OSMR: variants seen among roughly 807,000 people sequenced by gnomAD.
OSMR encodes the protein oncostatin M receptor.
In OSMR, 81 loss-of-function variants were observed where a neutral mutation model predicts 99.9. The observed-to-expected ratio is 0.81, with a 90% CI of 0.68 to 0.97. The LOEUF (loss-of-function observed/expected upper bound fraction) is 0.97, where lower values mean the gene tolerates loss of function less well. OSMR is among the 50% of genes least tolerant of loss of function. The pLI, the probability that OSMR is intolerant of heterozygous loss-of-function variation, is 0.00. For missense variants in OSMR, 1,099 were observed against 1,153.4 expected (o/e 0.95, Z 0.68); for synonymous variants, 406 against 410.4 (o/e 0.99, Z 0.13).
At chr5:38,906,992 T>A (rs1302974592) in intron 9 of OSMR, among the ~76,000 whole-genome samples, 5 of 152,354 alleles carry the variant, frequency 3.3e-5, no homozygotes, top group East Asian at 1.9e-4. Context: ...AAAATTTTTT[T>A]AAACCATTTT....
At chr5:38,854,359 T>C in intron 1 of OSMR, among the ~76,000 whole-genome samples, 1 of 152,128 alleles carries the variant, frequency 6.6e-6, no homozygotes, top group East Asian at 1.9e-4. Context: ...AGAAGTGTGG[T>C]GAGGAAGGGC....
chr5:38,878,053 A>G (rs1742980743), intron 3 of OSMR, among the ~76,000 whole-genome samples: 1 of 152,106 alleles, frequency 6.6e-6, no homozygotes, highest in East Asian at 1.9e-4. Flanking sequence ...ACCACAGCAC[A>G]GAGAGGTTTG....
At chr5:38,877,814 ATAT>A (rs1742956542) in intron 3 of OSMR, among the ~76,000 whole-genome samples, 2 of 152,214 alleles carry the variant, frequency 1.3e-5, no homozygotes, top group African/African-American at 4.8e-5. Flanking sequence ...ACAAAAAATA[ATAT>A]TAGCCATACA....
intron 1 of OSMR, among the ~76,000 whole-genome samples, chr5:38,862,765 G>C (rs566845648): frequency 2.6e-5 from 4 of 151,776 alleles, no homozygotes; most frequent in African/African-American, 9.7e-5. Context: ...ACGGGGTGGC[G>C]GCCGGGCAGA....
intron 5 of OSMR, chr5:38,885,086 C>A: frequency 1.7e-6 from 1 of 585,644 alleles, no homozygotes; most frequent in Non-Finnish European, 2.2e-6. Flanking sequence ...GTCAAATGGA[C>A]ATAGCATCAG....
rs572806575 is a variant in OSMR at position 38,942,633 on chromosome 5, A to C, written c.75-1568A>C. 5.1e-4 allele frequency among the ~76,000 whole-genome samples: 77 copies of C among 151,416 alleles called. 1 individual carries two copies. Among genetic ancestry groups the C allele is most frequent in the Non-Finnish European group, 1.5e-5 (1 of 67,772 alleles). ...CCTCGGCTAATTAAAAAAAAAAAAA[A>C]ACTGTGTTGACACGGTCTCACTATG... On this transcript the variant is annotated intron_variant and NMD_transcript_variant, in intron 1 of 2. Transcript: ENST00000508882.
intron 1 of OSMR, among the ~76,000 whole-genome samples, chr5:38,861,448 C>G (rs139176105): frequency 6.6e-6 from 1 of 152,086 alleles, no homozygotes; most frequent in African/African-American, 2.4e-5. Context: ...GTAAGGTCAC[C>G]GATCAACAGG....
exon 2 of OSMR, chr5:38,944,296 T>G: frequency 2.6e-6 from 2 of 775,870 alleles, no homozygotes; most frequent in South Asian, 2.9e-5. Context: ...GCTGAAGTAT[T>G]AAAGAAAATC....
chr5:38,882,259 A>C (rs1743348040), intron 4 of OSMR, among the ~76,000 whole-genome samples: 1 of 152,174 alleles, frequency 6.6e-6, no homozygotes. Flanking sequence ...CCAATGAGAC[A>C]GCTTTGTTGA....
chr5:38,885,467 C>T lies in OSMR; in HGVS notation c.822C>T (p.Ser274=). The change falls in exon 6 of 18, where the codon AGC becomes AGT. Residue 274 remains serine (S), a synonymous_variant. Transcript: ENST00000274276. ...GGTGGTCTAAACAACCTTCCCAAAGCTACACTTTATTTGAATCGTAAGTTG... is the reference window on the plus strand; with the variant it reads ...GGTGGTCTAAACAACCTTCCCAAAGTTACACTTTATTTGAATCGTAAGTTG... ...ALGWSKQPSQ[S]YTLFESFSGE... 2.5e-6 allele frequency: 4 copies of T among 1,614,074 alleles called. No individual in the cohort carries two copies. Among genetic ancestry groups the T allele is most frequent in the Non-Finnish European group, 3.4e-6 (4 of 1,179,938 alleles).
At chr5:38,910,190 T>G (rs968645861) in intron 9 of OSMR, among the ~76,000 whole-genome samples, 1 of 152,210 alleles carries the variant, frequency 6.6e-6, no homozygotes, top group Admixed American at 6.5e-5. Flanking sequence ...CCTAAATATA[T>G]ATGCACCTAA....
chr5:38,913,740 T>G (rs556328023), intron 9 of OSMR, among the ~76,000 whole-genome samples: 1 of 152,290 alleles, frequency 6.6e-6, no homozygotes, highest in South Asian at 2.1e-4. Context: ...GTTACTGTTT[T>G]TATTCTTTAG....
chr5:38,925,228 A>G lies in OSMR; in HGVS notation c.2069A>G (p.Lys690Arg). 3 of 1,614,164 alleles carry G rather than the reference A, an allele frequency of 1.9e-6. No individual in the cohort carries two copies. The highest frequency in any genetic ancestry group is 2.5e-6 in the Non-Finnish European group (3 of 1,179,998). ...LSDGSECCKY[K>R]IDNPEEKALI... ...GATGGTTCAGAATGTTGCAAATACA[A>G]AATTGACAACCCGGAAGAAAAGGCA... The change falls in exon 15 of 18, where the codon AAA becomes AGA. Residue 690 changes from lysine (K) to arginine (R), a missense_variant. Physicochemically the swap from Lys to Arg is conservative, Grantham distance 26 (BLOSUM62 2). Transcript: ENST00000274276.
intron 2 of OSMR, among the ~76,000 whole-genome samples, chr5:38,875,029 T>G (rs772144331): frequency 1.3e-5 from 2 of 152,206 alleles, no homozygotes; most frequent in Non-Finnish European, 2.9e-5. Context: ...TTGTTTATTA[T>G]CAAAATGAGA....
rs970232006 is a variant in OSMR at position 38,934,598 on chromosome 5, TCAAA to T, written c.*1161_*1164del. On this transcript the variant is annotated 3_prime_UTR_variant, in exon 18 of 18. Coordinates refer to ENST00000274276, the MANE Select transcript of OSMR (RefSeq NM_003999.3). ...TCACTGCAGCTTCCGCCTCCTAGATTCAAACAAACAGTTCTCCTGCCCCAGCCTC... is the reference window on the plus strand; with the variant it reads ...TCACTGCAGCTTCCGCCTCCTAGATTCAAACAGTTCTCCTGCCCCAGCCTC... 4 of 152,016 alleles carry T rather than the reference TCAAA, an allele frequency of 2.6e-5. No homozygotes were observed. The highest frequency in any genetic ancestry group is 4.4e-5 in the Non-Finnish European group (3 of 68,026). 9.4% of individuals were successfully genotyped at this position (152,016 alleles called of 1,614,324 possible).
At chr5:38,944,480 C>T (rs771672779) in intron 2 of OSMR, 1 of 1,612,056 alleles carries the variant, frequency 6.2e-7, no homozygotes, top group Non-Finnish European at 8.5e-7. Context: ...TTAGTTGAAA[C>T]TGAACTACTC....
chr5:38,918,129 T>G (rs922701963), intron 10 of OSMR, among the ~76,000 whole-genome samples: 3 of 152,082 alleles, frequency 2.0e-5, no homozygotes, highest in Admixed American at 2.0e-4. Context: ...GGCTCTGGTC[T>G]CAACCTACCC....
At chr5:38,932,575 A>C in intron 17 of OSMR, 40 bp downstream of exon 17, 1 of 1,585,398 alleles carries the variant, frequency 6.3e-7, no homozygotes, top group Non-Finnish European at 8.7e-7. Context: ...TATACCTATT[A>C]AGGACTAACC....
intron 1 of OSMR, among the ~76,000 whole-genome samples, chr5:38,850,450 C>T (rs1740267532): frequency 6.6e-6 from 1 of 152,156 alleles, no homozygotes; most frequent in Non-Finnish European, 1.5e-5. Context: ...TTGGTGAGAT[C>T]GCTAAATAGA....
Sources: gnomAD v4.1 joint callset for allele counts (sites outside exome capture counted in the v4.1 genomes callset) on GRCh38, gnomAD v4.1.1 for gene constraint, MANE v1.5 for transcripts, NCBI Gene and HGNC (gene_info 2026-07-23, HGNC 2026-07-21) for gene names.